Variants in AGMO observed in about 807,000 individuals in gnomAD.
AGMO encodes the protein glyceryl-ether monooxygenase.
In AGMO, 75 loss-of-function variants were observed where a neutral mutation model predicts 60.2. The ratio of observed to expected loss-of-function variants is 1.25; its 90% CI spans 1.03 to 1.51. The LOEUF (loss-of-function observed/expected upper bound fraction) is 1.51. Ranked by LOEUF, AGMO falls within the 40% of genes most tolerant of loss-of-function variation. The pLI is 0.00. For synonymous variants in AGMO, 261 were observed against 177.1 expected, an observed-to-expected ratio of 1.47 and a Z score of -3.76; for missense variants, 763 against 525.5, an observed-to-expected ratio of 1.45 and a Z score of -4.42.
At chr7:15,401,718 T>G (rs1252696456) in intron 5 of AGMO, among the ~76,000 whole-genome samples, 1 of 152,188 alleles carries the variant, frequency 6.6e-6, no homozygotes, top group Admixed American at 6.5e-5. Flanking sequence ...TACAAATATT[T>G]ATGATTCTTG....
chr7:15,294,549 C>A (rs180690524), intron 12 of AGMO, among the ~76,000 whole-genome samples: 1 of 151,058 alleles, frequency 6.6e-6, no homozygotes, highest in Admixed American at 6.6e-5. Context: ...AAAATGTGTG[C>A]GACATGTATT....
intron 10 of AGMO, among the ~76,000 whole-genome samples, chr7:15,377,740 A>C (rs1020550922): frequency 3.9e-5 from 6 of 152,168 alleles, no homozygotes; most frequent in Non-Finnish European, 5.9e-5. Flanking sequence ...TTTAAGCTCT[A>C]TTAATGATGT....
rs74766304 is a variant in AGMO, at chr7:15,316,875, G to A, written c.1263+48639C>T. Among the ~76,000 whole-genome samples, 133 of 152,114 alleles carry A rather than the reference G, an allele frequency of 8.7e-4. 1 individual carries two copies. The highest frequency in any genetic ancestry group is 4.6e-3 in the East Asian group (24 of 5,172). ...TGATTATTTTAGACAGTATGTAGAC[G>A]TCATAACCCACTCTGCCCATGGCAC... On this transcript the variant is annotated intron_variant, in intron 12 of 12. Transcript: ENST00000342526.
chr7:15,247,459 C>CACACACAGAG (rs139642069), intron 12 of AGMO, among the ~76,000 whole-genome samples: 10 of 115,264 alleles, frequency 8.7e-5, no homozygotes, highest in African/African-American at 3.2e-4. Context: ...CACACACACA[C>CACACACAGAG]AGAGAGAGAG....
intron 2 of AGMO, among the ~76,000 whole-genome samples, chr7:15,556,660 C>T (rs892259503): frequency 5.9e-5 from 9 of 152,024 alleles, no homozygotes; most frequent in African/African-American, 2.2e-4. Context: ...GATTATTTTT[C>T]ACTCATTAAC....
At chr7:15,463,304 AC>A (rs1458688671) in intron 3 of AGMO, among the ~76,000 whole-genome samples, 1 of 152,160 alleles carries the variant, frequency 6.6e-6, no homozygotes, top group Non-Finnish European at 1.5e-5. Flanking sequence ...TGAAAACATT[AC>A]AGAATTTTGT....
intron 3 of AGMO, among the ~76,000 whole-genome samples, chr7:15,514,862 C>T (rs1378694012): frequency 6.6e-6 from 1 of 152,216 alleles, no homozygotes; most frequent in Non-Finnish European, 1.5e-5. Context: ...CTCACTCCCT[C>T]ATCTACCACA....
At chr7:15,198,227 G>GAGAC, downstream of AGMO, among the ~76,000 whole-genome samples, 1 of 113,314 alleles carries the variant, frequency 8.8e-6, no homozygotes, top group South Asian at 3.1e-4. Flanking sequence ...GAGAGAGAGA[G>GAGAC]AGAGAGAGAG....
chr7:15,230,779 T>TC (rs1309913262), intron 12 of AGMO, among the ~76,000 whole-genome samples: 1 of 152,032 alleles, frequency 6.6e-6, no homozygotes, highest in Non-Finnish European at 1.5e-5. Flanking sequence ...CTTTGCTCTC[T>TC]CCCCACCGCA....
At chr7:15,124,287 T>A in the AGMO span, among the ~76,000 whole-genome samples, 1 of 152,052 alleles carries the variant, frequency 6.6e-6, no homozygotes, top group Non-Finnish European at 1.5e-5. Flanking sequence ...CTGAGCCACT[T>A]ATCTCTGTGG....
In AGMO at chr7:15,207,274, C is replaced by T. The variant is rs1563034725; in HGVS notation, c.1264-5915G>A. On this transcript the variant is annotated intron_variant, in intron 12 of 12. Transcript: ENST00000342526. ...TTAAAATTGTATAAACCATAGTTAGCATAAAGTGAAAATAGATGCTACCTT... is the reference window on the plus strand; with the variant it reads ...TTAAAATTGTATAAACCATAGTTAGTATAAAGTGAAAATAGATGCTACCTT... Among the ~76,000 whole-genome samples the T allele has an allele frequency of 2.6e-5, 4 of 152,158 alleles. 1 individual carries two copies. The South Asian group carries it at 8.3e-4, about 32-fold the overall frequency.
intron 12 of AGMO, among the ~76,000 whole-genome samples, chr7:15,312,104 A>G (rs1224436197): frequency 1.3e-5 from 2 of 152,100 alleles, no homozygotes; most frequent in Non-Finnish European, 2.9e-5. Flanking sequence ...AAAGAGAAAC[A>G]AACTTAAGAG....
the AGMO span, among the ~76,000 whole-genome samples, chr7:15,123,859 G>A: frequency 2.0e-5 from 3 of 152,094 alleles, no homozygotes; most frequent in Non-Finnish European, 4.4e-5. Context: ...ATGAGCAGCA[G>A]TAAAATGAAG....
chr7:15,260,040 T>C (rs1374487116), intron 12 of AGMO, among the ~76,000 whole-genome samples: 1 of 147,058 alleles, frequency 6.8e-6, no homozygotes, highest in Non-Finnish European at 1.5e-5. Flanking sequence ...AAACCCAAAG[T>C]ATTTAGGCAA....
intron 12 of AGMO, among the ~76,000 whole-genome samples, chr7:15,270,447 T>G (rs990011299): frequency 6.6e-6 from 1 of 152,018 alleles, no homozygotes; most frequent in Non-Finnish European, 1.5e-5. Context: ...GTTCATGTCC[T>G]TTGCCCAGTT....
chr7:15,190,695 G>A, the AGMO span, among the ~76,000 whole-genome samples: 5 of 151,992 alleles, frequency 3.3e-5, no homozygotes, highest in African/African-American at 9.7e-5. Context: ...CATTACCAAC[G>A]AAATACAAAT....
At chr7:15,306,672 T>C (rs1309843700) in intron 12 of AGMO, 1 of 336,532 alleles carries the variant, frequency 3.0e-6, no homozygotes, top group Non-Finnish European at 5.8e-6. Flanking sequence ...CTTCAAATAG[T>C]TAGATTTTAA....
intron 3 of AGMO, among the ~76,000 whole-genome samples, chr7:15,486,888 T>A (rs1238075511): frequency 6.6e-6 from 1 of 152,168 alleles, no homozygotes; most frequent in Non-Finnish European, 1.5e-5. Context: ...TACAAAAAAA[T>A]ATGCAACTGA....
chr7:15,306,039 T>C (rs374524583), intron 12 of AGMO, among the ~76,000 whole-genome samples: 1 of 152,014 alleles, frequency 6.6e-6, no homozygotes, highest in Non-Finnish European at 1.5e-5. Flanking sequence ...TTATGGTAAC[T>C]ATAAAAAGTG....
Sources: gnomAD v4.1 joint callset for allele counts (sites outside exome capture counted in the v4.1 genomes callset) on GRCh38, gnomAD v4.1.1 for gene constraint, MANE v1.5 for transcripts, NCBI Gene and HGNC (gene_info 2026-07-23, HGNC 2026-07-21) for gene names.